The following ARHGAP31 variants were observed in gnomAD, a reference collection of about 807,000 sequenced individuals.
ARHGAP31 encodes Rho GTPase activating protein 31.
Under a neutral mutation model 113.9 loss-of-function variants are expected in ARHGAP31, and 34 were observed. The observed-to-expected ratio is 0.30, with a 90% CI of 0.23 to 0.40. The LOEUF (loss-of-function observed/expected upper bound fraction) is 0.40, where lower values mean the gene tolerates loss of function less well. ARHGAP31 is among the 10% of genes least tolerant of loss of function. The pLI, the probability that ARHGAP31 is intolerant of heterozygous loss-of-function variation, is 1.00. For missense variants in ARHGAP31, 1,548 were observed against 1,767.1 expected (o/e 0.88, Z 2.22); for synonymous variants, 650 against 684.8 (o/e 0.95, Z 0.79).
In ARHGAP31 at chr3:119,294,659, C is replaced by T. The variant is rs1559957239; in HGVS notation, c.-246C>T. 2 of 563,816 alleles carry T rather than the reference C, an allele frequency of 3.5e-6. No individual in the cohort carries two copies. The highest frequency in any genetic ancestry group is 3.1e-5 in the East Asian group (1 of 32,408). 34.9% of individuals were successfully genotyped at this position (563,816 alleles called of 1,614,324 possible). A position where few individuals can be genotyped will look rare whatever the true frequency, so the allele number is the denominator to read the frequency against. On this transcript the variant is annotated 5_prime_UTR_variant, in exon 1 of 12. Coordinates refer to ENST00000264245, the MANE Select transcript of ARHGAP31 (RefSeq NM_020754.4). ...AAGTGACACTCCCAGGCGAGCCGGC[C>T]CGCGGCTGCCAGTCTGCACGGCCTC...
intron 1 of ARHGAP31, among the ~76,000 whole-genome samples, chr3:119,362,791 GGT>G (rs1491573485): frequency 2.7e-5 from 4 of 149,636 alleles, no homozygotes; most frequent in African/African-American, 7.5e-5. Flanking sequence ...AAAGGCGGGG[GGT>G]GGAGTAGAGA....
At position 119,365,307 on chromosome 3, in the gene ARHGAP31, T is replaced by C; in HGVS notation, c.101-9T>C. 1.2e-6 allele frequency: 2 copies of C among 1,611,548 alleles called. No homozygotes were observed. The highest frequency in any genetic ancestry group is 1.7e-6 in the Non-Finnish European group (2 of 1,178,266). On this transcript the variant is annotated splice_polypyrimidine_tract_variant and intron_variant, in intron 1 of 11. Transcript: ENST00000264245. ...ATACTTAATTGTTTTTTTCTTTTCT[T>C]TTACATAGTTCCATACGTTTTGAAG...
chr3:119,389,658 C>G (rs1037322360), intron 6 of ARHGAP31, among the ~76,000 whole-genome samples: 2 of 152,158 alleles, frequency 1.3e-5, no homozygotes, highest in African/African-American at 2.4e-5. Context: ...TTTACTTCTT[C>G]CCACCCACAG....
chr3:119,375,591 A>G (rs2080339936), intron 3 of ARHGAP31, among the ~76,000 whole-genome samples: 1 of 152,224 alleles, frequency 6.6e-6, no homozygotes, highest in African/African-American at 2.4e-5. Context: ...GTCGGGAGCA[A>G]TTATTCAACC....
intron 11 of ARHGAP31, among the ~76,000 whole-genome samples, chr3:119,413,607 A>G (rs984513947): frequency 1.3e-5 from 2 of 152,210 alleles, no homozygotes; most frequent in Admixed American, 1.3e-4. Context: ...CCTCTCATCT[A>G]TAAAATGGGA....
chr3:119,348,884 G>A (rs1287094333), intron 1 of ARHGAP31, among the ~76,000 whole-genome samples: 1 of 152,158 alleles, frequency 6.6e-6, no homozygotes, highest in Non-Finnish European at 1.5e-5. Context: ...AGTGCTGAGA[G>A]CAGAGGTATA....
chr3:119,328,647 CT>C (rs985221131), intron 1 of ARHGAP31, among the ~76,000 whole-genome samples: 5 of 150,048 alleles, frequency 3.3e-5, no homozygotes, highest in South Asian at 4.3e-4. Flanking sequence ...TTCTTTCTTT[CT>C]TTTTTTTTCT....
intron 11 of ARHGAP31, among the ~76,000 whole-genome samples, chr3:119,409,996 T>G (rs2080702103): frequency 6.6e-6 from 1 of 152,190 alleles, no homozygotes; most frequent in Non-Finnish European, 1.5e-5. Context: ...CTGTTCAGAT[T>G]CCCTAATACA....
At position 119,401,269 on chromosome 3, in the gene ARHGAP31, C is replaced by T. The variant is rs2080603810; in HGVS notation, c.1070-553C>T. 1.3e-5 allele frequency among the ~76,000 whole-genome samples: 2 copies of T among 152,044 alleles called. 1 individual carries two copies. Among genetic ancestry groups the T allele is most frequent in the Admixed American group, 1.3e-4 (2 of 15,264 alleles). On this transcript the variant is annotated intron_variant, in intron 9 of 11. Transcript: ENST00000264245. ...CATCCTCTGAATCAACAGGAAGAAG[C>T]CTGAGAAAAGGTGGGGAAGGTCTAG...
Position 119,399,199 on chromosome 3 carries a change from T to A in ARHGAP31, c.1007T>A (p.Val336Glu). The A allele has an allele frequency of 6.2e-7, 1 of 1,613,338 alleles. No individual in the cohort carries two copies. Residue 336 changes from valine (V) to glutamate (E), a missense_variant and splice_region_variant, in exon 9 of 12, where the codon GTG becomes GAG. Physicochemically the swap from Val to Glu is moderately radical, Grantham distance 121 (BLOSUM62 -2). Transcript: ENST00000264245. ...AGGATATTTTTTCTTTTGTCTTTAG[T>A]GGAAAAGGCTACTATCCGACCAGCT... ...SVFVRGQRLS[V>E]EKATIRPAKS... is the part of the protein sequence containing the mutation.
intron 10 of ARHGAP31, among the ~76,000 whole-genome samples, chr3:119,408,535 C>G (rs2080685575): frequency 6.6e-6 from 1 of 152,232 alleles, no homozygotes; most frequent in African/African-American, 2.4e-5. Flanking sequence ...CTGCTATATG[C>G]TTTGTCTCCA....
intron 1 of ARHGAP31, among the ~76,000 whole-genome samples, chr3:119,363,257 T>C (rs1381464108): frequency 1.3e-5 from 2 of 152,160 alleles, no homozygotes; most frequent in Non-Finnish European, 2.9e-5. Flanking sequence ...GGAACTGTTT[T>C]CATTTATCTA....
At chr3:119,345,180 G>A (rs1397352818) in intron 1 of ARHGAP31, among the ~76,000 whole-genome samples, 2 of 151,872 alleles carry the variant, frequency 1.3e-5, no homozygotes, top group Non-Finnish European at 2.9e-5. Flanking sequence ...TAGAGATGGG[G>A]ATTCACCATG....
chr3:119,378,850 A>G (rs1005385904), intron 3 of ARHGAP31, among the ~76,000 whole-genome samples: 6 of 152,076 alleles, frequency 3.9e-5, no homozygotes, highest in African/African-American at 1.2e-4. Flanking sequence ...TCTTGCCCCT[A>G]CCCTTCACCC....
chr3:119,313,122 A>G (rs998041620), intron 1 of ARHGAP31, among the ~76,000 whole-genome samples: 2 of 152,172 alleles, frequency 1.3e-5, no homozygotes, highest in Non-Finnish European at 2.9e-5. Context: ...TTAAAGTGTT[A>G]ATTATTTTTC....
chr3:119,353,787 CAAAAAA>C (rs5852199), intron 1 of ARHGAP31, among the ~76,000 whole-genome samples: 2 of 88,242 alleles, frequency 2.3e-5, no homozygotes, highest in Admixed American at 1.2e-4. Flanking sequence ...GACTCCATCT[CAAAAAA>C]AAAAAAAAAA....
chr3:119,295,449 C>T (rs2079524942), intron 1 of ARHGAP31, among the ~76,000 whole-genome samples: 1 of 129,186 alleles, frequency 7.7e-6, no homozygotes. Flanking sequence ...CGTCTGCTCA[C>T]ATCTTTTTTT....
At chr3:119,359,042 C>T (rs547109774) in intron 1 of ARHGAP31, among the ~76,000 whole-genome samples, 53 of 148,428 alleles carry the variant, frequency 3.6e-4, no homozygotes, top group Non-Finnish European at 5.9e-4. Context: ...GAGACAGAGT[C>T]TCACTCACTC....
intron 1 of ARHGAP31, among the ~76,000 whole-genome samples, chr3:119,335,266 A>G (rs73854493): frequency 8.7e-4 from 132 of 152,286 alleles, no homozygotes; most frequent in African/African-American, 3.0e-3. Context: ...AAATTATTTA[A>G]TCTCTCTGAG....
Sources: gnomAD v4.1 joint callset for allele counts (sites outside exome capture counted in the v4.1 genomes callset) on GRCh38, gnomAD v4.1.1 for gene constraint, MANE v1.5 for transcripts, NCBI Gene and HGNC (gene_info 2026-07-23, HGNC 2026-07-21) for gene names.